AGBL4: variants seen among roughly 807,000 people sequenced by gnomAD.
AGBL4 encodes AGBL carboxypeptidase 4.
Under a neutral mutation model 66.4 loss-of-function variants are expected in AGBL4, and 58 were observed. The ratio of observed to expected loss-of-function variants is 0.87; its 90% CI spans 0.71 to 1.09. The LOEUF (loss-of-function observed/expected upper bound fraction) is 1.09. AGBL4 is among the 50% of genes least tolerant of loss of function. The pLI is 0.00. For synonymous variants in AGBL4, 234 were observed against 222.9 expected, an observed-to-expected ratio of 1.05 and a Z score of -0.44; for missense variants, 579 against 631.0, an observed-to-expected ratio of 0.92 and a Z score of 0.88.
intron 3 of AGBL4, among the ~76,000 whole-genome samples, chr1:49,412,529 T>C (rs1225806492): frequency 6.6e-6 from 1 of 152,104 alleles, no homozygotes; most frequent in Non-Finnish European, 1.5e-5. Flanking sequence ...CCTCTAACTA[T>C]TCACACTCAT....
At chr1:49,615,381 T>C (rs1645231600) in intron 3 of AGBL4, among the ~76,000 whole-genome samples, 1 of 152,134 alleles carries the variant, frequency 6.6e-6, no homozygotes, top group Non-Finnish European at 1.5e-5. Context: ...AAATACATCT[T>C]AAATTCACAG....
At chr1:48,735,825 G>C (rs1047045724) in intron 6 of AGBL4, among the ~76,000 whole-genome samples, 1 of 151,682 alleles carries the variant, frequency 6.6e-6, no homozygotes, top group Non-Finnish European at 1.5e-5. Context: ...CCATGCCTTT[G>C]TTCAAGATGC....
At chr1:48,662,280 C>T (rs72901162) in intron 7 of AGBL4, among the ~76,000 whole-genome samples, 1,942 of 152,264 alleles carry the variant, frequency 0.013, 16 homozygotes, top group African/African-American at 0.022. Context: ...ATGCCAGCTT[C>T]GTAACAGCCT....
chr1:49,409,477 T>G (rs971899530), intron 3 of AGBL4, among the ~76,000 whole-genome samples: 12 of 152,038 alleles, frequency 7.9e-5, no homozygotes, highest in Non-Finnish European at 1.6e-4. Context: ...AAGTATATAA[T>G]TTGTATTAAG....
chr1:49,112,825 C>T (rs1270689879), intron 4 of AGBL4, among the ~76,000 whole-genome samples: 2 of 152,202 alleles, frequency 1.3e-5, no homozygotes, highest in African/African-American at 4.8e-5. Flanking sequence ...AGCATGTCTG[C>T]AGTTATTTCC....
chr1:48,918,023 G>A (rs2148888745), intron 5 of AGBL4, among the ~76,000 whole-genome samples: 1 of 152,316 alleles, frequency 6.6e-6, no homozygotes, highest in African/African-American at 2.4e-5. Flanking sequence ...TGAGTCAAGG[G>A]TAAAGGCAGC....
intron 3 of AGBL4, among the ~76,000 whole-genome samples, chr1:49,356,227 T>C (rs1300939282): frequency 1.3e-5 from 2 of 152,208 alleles, no homozygotes; most frequent in Admixed American, 6.5e-5. Flanking sequence ...AAGATTTTTC[T>C]ATGGATTAAT....
At chr1:48,612,628 C>T (rs879744597) in intron 9 of AGBL4, among the ~76,000 whole-genome samples, 1 of 152,120 alleles carries the variant, frequency 6.6e-6, no homozygotes, top group Admixed American at 6.5e-5. Flanking sequence ...TATCTTGCAC[C>T]TACAGACAGA....
intron 1 of AGBL4, among the ~76,000 whole-genome samples, chr1:49,934,212 G>C (rs888254432): frequency 6.6e-6 from 1 of 152,096 alleles, no homozygotes; most frequent in Non-Finnish European, 1.5e-5. Flanking sequence ...TACAATAATA[G>C]TAAGATATTT....
intron 4 of AGBL4, among the ~76,000 whole-genome samples, chr1:49,196,121 C>T (rs1365570914): frequency 6.6e-6 from 1 of 152,178 alleles, no homozygotes; most frequent in Non-Finnish European, 1.5e-5. Context: ...ATGTAAATTA[C>T]CCAATCTCAA....
chr1:48,714,562 C>T (rs2148522710), intron 6 of AGBL4, among the ~76,000 whole-genome samples: 1 of 152,358 alleles, frequency 6.6e-6, no homozygotes, highest in East Asian at 1.9e-4. Flanking sequence ...TATTAAGCCC[C>T]CTCGTTTCTG....
At chr1:49,949,652 G>T (rs924674853) in intron 1 of AGBL4, among the ~76,000 whole-genome samples, 1 of 151,326 alleles carries the variant, frequency 6.6e-6, no homozygotes. Flanking sequence ...ACCTTACAAC[G>T]CGATACCACC....
intron 4 of AGBL4, among the ~76,000 whole-genome samples, chr1:49,211,079 C>T (rs907344806): frequency 6.6e-6 from 1 of 152,068 alleles, no homozygotes; most frequent in African/African-American, 2.4e-5. Flanking sequence ...CCCCAGCATG[C>T]AGGCAAGATG....
At chr1:48,687,629 G>T (rs1646556289) in intron 6 of AGBL4, among the ~76,000 whole-genome samples, 1 of 152,224 alleles carries the variant, frequency 6.6e-6, no homozygotes, top group Non-Finnish European at 1.5e-5. Context: ...ACCCAGATCT[G>T]CTGACCAGCA....
intron 4 of AGBL4, among the ~76,000 whole-genome samples, chr1:49,065,789 A>G (rs2147921527): frequency 6.6e-6 from 1 of 152,344 alleles, no homozygotes; most frequent in East Asian, 1.9e-4. Context: ...TTCCTTTTCC[A>G]GGCAGGACTA....
At chr1:49,512,333 C>A (rs374612426) in intron 3 of AGBL4, among the ~76,000 whole-genome samples, 1 of 151,846 alleles carries the variant, frequency 6.6e-6, no homozygotes, top group South Asian at 2.1e-4. Context: ...CTGCTTTTTC[C>A]AAATACAAAA....
chr1:48,861,022 C>A (rs1169440991), intron 6 of AGBL4, among the ~76,000 whole-genome samples: 1 of 151,822 alleles, frequency 6.6e-6, no homozygotes. Context: ...TAAAACTGAA[C>A]AAGAAATTAT....
intron 8 of AGBL4, among the ~76,000 whole-genome samples, chr1:48,638,917 T>A (rs1477608674): frequency 6.6e-6 from 1 of 152,174 alleles, no homozygotes; most frequent in Non-Finnish European, 1.5e-5. Context: ...AGTGGGAGTG[T>A]TGAGGGCTAG....
At chr1:49,845,671 A>C (rs1326434037) in intron 2 of AGBL4, 9 of 1,606,040 alleles carry the variant, frequency 5.6e-6, no homozygotes, top group Non-Finnish European at 6.8e-6. Flanking sequence ...CTGTGAGTGC[A>C]GTGAGTCTGG....
Sources: allele counts gnomAD v4.1 joint callset (sites outside exome capture counted in the v4.1 genomes callset), GRCh38; gene constraint gnomAD v4.1.1; transcripts MANE v1.5; gene names NCBI Gene and HGNC (gene_info 2026-07-23, HGNC 2026-07-21).